Variants in PCDHA2 observed in about 807,000 individuals in gnomAD.
The protein encoded by PCDHA2 is protocadherin alpha 2, also known as protocadherin alpha-2.
A neutral mutation model predicts 66.0 loss-of-function variants in PCDHA2; 58 were observed. That is an observed-to-expected ratio of 0.88 (90% CI 0.71 to 1.09). The LOEUF is 1.09. PCDHA2 is among the 50% of genes least tolerant of loss of function. The pLI is 0.00. For missense variants in PCDHA2, 1,267 were observed against 1,242.3 expected, an observed-to-expected ratio of 1.02 and a Z score of -0.30; for synonymous variants, 634 against 554.0, an observed-to-expected ratio of 1.14 and a Z score of -2.03.
chr5:140,794,999 G>C lies in PCDHA2; in HGVS notation c.35G>C (p.Trp12Ser). 1 of 1,613,706 alleles carries C rather than the reference G, an allele frequency of 6.2e-7. No individual in the cohort carries two copies. The part of the protein sequence containing the change: ...ASSIRRGRGA[W>S]TRLLSLLLLA... The stretch of plus-strand genomic sequence containing the variant: ...TCTATCAGAAGGGGCCGAGGGGCCT[G>C]GACACGGCTGCTCTCGCTTCTGCTC... Residue 12 changes from tryptophan to serine, a missense_variant, in exon 1 of 4, where the codon TGG (tryptophan) becomes TCG (serine). Transcript: ENST00000526136.
intron 1 of PCDHA2, among the ~76,000 whole-genome samples, chr5:140,892,867 A>G (rs1452797610): frequency 1.3e-5 from 2 of 152,150 alleles, no homozygotes; most frequent in African/African-American, 4.8e-5. Context: ...CTGTGTAGCT[A>G]TAATTTCGTA....
intron 1 of PCDHA2, among the ~76,000 whole-genome samples, chr5:140,898,545 C>CCG (rs2153461002): frequency 1.3e-5 from 2 of 152,322 alleles, no homozygotes; most frequent in East Asian, 3.9e-4. Context: ...TTCCATTTAT[C>CCG]TATGTCTCTG....
chr5:140,893,863 A>G (rs568224949), intron 1 of PCDHA2, among the ~76,000 whole-genome samples: 1 of 152,300 alleles, frequency 6.6e-6, no homozygotes, highest in African/African-American at 2.4e-5. Context: ...GTATAGAAAC[A>G]ACCCAGATCC....
chr5:140,882,336 C>T, intron 1 of PCDHA2: 1 of 1,614,162 alleles, frequency 6.2e-7, no homozygotes, highest in Non-Finnish European at 8.5e-7. Flanking sequence ...ATCCTCGCAG[C>T]CTGGGAGACG....
At chr5:140,892,111 A>G (rs918433393) in intron 1 of PCDHA2, among the ~76,000 whole-genome samples, 3 of 152,206 alleles carry the variant, frequency 2.0e-5, no homozygotes, top group Admixed American at 2.0e-4. Context: ...CTTGGCATTT[A>G]TATCTGGAAC....
At chr5:140,889,724 T>C (rs1198530950) in intron 1 of PCDHA2, among the ~76,000 whole-genome samples, 6 of 152,216 alleles carry the variant, frequency 3.9e-5, no homozygotes, top group African/African-American at 1.4e-4. Context: ...TGCTACTGTC[T>C]CACTGAGTAG....
At chr5:140,808,385 A>C (rs534285783) in intron 1 of PCDHA2, 1 of 1,614,148 alleles carries the variant, frequency 6.2e-7, no homozygotes. Context: ...GCTGGTGTCC[A>C]CCTTCAAGAA....
At chr5:140,924,751 C>T (rs1554202122) in intron 1 of PCDHA2, among the ~76,000 whole-genome samples, 39 of 151,566 alleles carry the variant, frequency 2.6e-4, no homozygotes, top group Non-Finnish European at 5.2e-4. Context: ...AAAAATTAAC[C>T]GAGCATGGTG....
chr5:140,884,260 G>A (rs781862611), intron 1 of PCDHA2: 19 of 1,613,410 alleles, frequency 1.2e-5, no homozygotes, highest in Non-Finnish European at 1.5e-5. Flanking sequence ...CCACGGCAAC[G>A]GTGCTGTTGT....
chr5:140,857,603 C>T lies in PCDHA2; in HGVS notation c.2388+60251C>T, dbSNP rs547758195. The T allele has an allele frequency of 1.4e-5, 22 of 1,596,384 alleles. 1 individual carries two copies. The highest frequency in any genetic ancestry group is 1.3e-4 in the South Asian group (12 of 90,484). On this transcript the variant is annotated intron_variant, in intron 1 of 3. Transcript: ENST00000526136. ...CGCGGAGAGCGGCAAGGTGTACGCG[C>T]TGCAGCCGCTGGACCACGAGGAGCT...
intron 1 of PCDHA2, chr5:140,871,311 C>A (rs782501180): frequency 6.2e-7 from 1 of 1,613,922 alleles, no homozygotes; most frequent in African/African-American, 1.3e-5. Flanking sequence ...CGGGGAAGCC[C>A]ACGCTGGTGT....
At position 140,871,095 on chromosome 5, in the gene PCDHA2, GC is replaced by G; in HGVS notation, c.2388+73744del. On this transcript the variant is annotated intron_variant, in intron 1 of 3. Coordinates refer to ENST00000526136, the MANE Select transcript of PCDHA2 (RefSeq NM_018905.3). ...CGGCGCTGACGGCCACGGCCACCGT[GC>G]TGGTGTCGTTGGTGGAGAGCGGACA... The G allele has an allele frequency of 4.3e-6, 7 of 1,613,278 alleles. No individual in the cohort carries two copies. In the South Asian group the frequency reaches 5.5e-5, roughly 13 times the overall value.
chr5:140,863,007 A>G (rs1554157449), intron 1 of PCDHA2: 1 of 551,416 alleles, frequency 1.8e-6, no homozygotes, highest in Non-Finnish European at 3.6e-6. Context: ...GACTCCAGCT[A>G]TGACGCCTGG....
intron 1 of PCDHA2, chr5:140,869,773 G>A (rs1554163437): frequency 6.2e-7 from 1 of 1,612,948 alleles, no homozygotes; most frequent in Non-Finnish European, 8.5e-7. Context: ...AGAGCTTACT[G>A]GCACCGTTCG....
chr5:140,836,667 G>C, intron 1 of PCDHA2: 2 of 1,613,396 alleles, frequency 1.2e-6, no homozygotes, highest in Non-Finnish European at 1.7e-6. Context: ...GTGCTCTGGG[G>C]AGGGCCCACC....
intron 1 of PCDHA2, among the ~76,000 whole-genome samples, chr5:140,950,208 C>G (rs1377059178): frequency 1.3e-5 from 2 of 151,900 alleles, no homozygotes; most frequent in Non-Finnish European, 2.9e-5. Context: ...TTCTGTTTAC[C>G]TAGTCATTTA....
At chr5:140,947,221 T>A (rs181563367) in intron 1 of PCDHA2, among the ~76,000 whole-genome samples, 1 of 151,730 alleles carries the variant, frequency 6.6e-6, no homozygotes, top group East Asian at 1.9e-4. Context: ...TCCTGTCATT[T>A]ATGACAGGAA....
intron 1 of PCDHA2, among the ~76,000 whole-genome samples, chr5:140,916,773 A>G (rs1584011849): frequency 6.6e-6 from 1 of 151,502 alleles, no homozygotes; most frequent in South Asian, 2.1e-4. Context: ...TGGCACAAGC[A>G]CTCCCTTAGC....
intron 1 of PCDHA2, chr5:140,868,997 G>T: frequency 6.6e-7 from 1 of 1,517,542 alleles, no homozygotes; most frequent in Non-Finnish European, 8.8e-7. Flanking sequence ...ACCGTTTAAG[G>T]ATCCTTTGAA....
Sources: gnomAD v4.1 joint callset for allele counts (sites outside exome capture counted in the v4.1 genomes callset) on GRCh38, gnomAD v4.1.1 for gene constraint, MANE v1.5 for transcripts, NCBI Gene and HGNC (gene_info 2026-07-23, HGNC 2026-07-21) for gene names.